The following ANKS6 variants were observed in gnomAD, a reference collection of about 807,000 sequenced individuals.
ANKS6 encodes ankyrin repeat and sterile alpha motif domain containing 6, also known as ankyrin repeat and SAM domain-containing protein 6.
A neutral mutation model predicts 77.9 loss-of-function variants in ANKS6; 47 were observed. The ratio of observed to expected loss-of-function variants is 0.60; its 90% confidence interval spans 0.48 to 0.77. The LOEUF (loss-of-function observed/expected upper bound fraction) is 0.77, where lower values mean the gene tolerates loss of function less well. Among genes scored for constraint, ANKS6 ranks in the 30% least tolerant of loss-of-function variants. The pLI, the probability that ANKS6 is intolerant of heterozygous loss-of-function variation, is 0.00. For synonymous variants in ANKS6, 488 were observed against 501.7 expected, an observed-to-expected ratio of 0.97 and a Z score of 0.37; for missense variants, 1,150 against 1,159.1, an observed-to-expected ratio of 0.99 and a Z score of 0.11.
intron 13 of ANKS6, among the ~76,000 whole-genome samples, chr9:98,747,973 C>T (rs1832229645): frequency 6.6e-6 from 1 of 152,212 alleles, no homozygotes; most frequent in Non-Finnish European, 1.5e-5. Context: ...AGTCCTGCTC[C>T]CTCTTCCCAG....
In ANKS6 at chr9:98,736,390, G is replaced by A; in HGVS notation, c.*129C>T. On this transcript the variant is annotated 3_prime_UTR_variant, in exon 15 of 15. Transcript: ENST00000353234. ...CCAATGAATGCCGTCGACGTGAAGT[G>A]GGCATCCCGAGCAAAGGGAACAACA... is the stretch of plus-strand genomic sequence containing the variant. 7.0e-7 allele frequency: 1 copy of A among 1,435,422 alleles called. No individual in the cohort carries two copies. Among genetic ancestry groups the A allele is most frequent in the Non-Finnish European group, 9.1e-7 (1 of 1,096,582 alleles). The allele number at this position is 1,435,422 out of a possible 1,614,324, so 88.9% of individuals were successfully genotyped here.
chr9:98,796,380 C>A lies in ANKS6; in HGVS notation c.112G>T (p.Glu38Ter). ...LLEPGAAEPA[E>*]RGAEPEAGAE... The stretch of plus-strand genomic sequence containing the variant: ...CCCGCCTCCGGCTCCGCGCCGCGCT[C>A]GGCTGGCTCCGCCGCCCCCGGCTCC... Residue 38 changes from glutamate to a stop codon, truncating the protein, a stop_gained, in exon 1 of 15, where the codon GAG (glutamate) becomes TAG (stop). Transcript: ENST00000353234. LOFTEE classifies it high-confidence loss of function. The A allele has an allele frequency of 3.0e-6, 3 of 1,012,678 alleles. No individual in the cohort carries two copies. Among genetic ancestry groups the A allele is most frequent in the Non-Finnish European group, 2.4e-6 (2 of 849,900 alleles). The allele number at this position is 1,012,678 out of a possible 1,614,324, so 62.7% of individuals were successfully genotyped here. A position where few individuals can be genotyped will look rare whatever the true frequency, so the allele number is the denominator to read the frequency against.
intron 1 of ANKS6, among the ~76,000 whole-genome samples, chr9:98,792,585 T>C (rs1214094114): frequency 6.6e-6 from 1 of 152,146 alleles, no homozygotes; most frequent in African/African-American, 2.4e-5. Context: ...TCCACTGTAG[T>C]ACATTTCTAA....
At chr9:98,768,302 A>G (rs943989773) in intron 10 of ANKS6, 52 bp from the exon 11 acceptor site, 1 of 1,594,306 alleles carries the variant, frequency 6.3e-7, no homozygotes, top group Non-Finnish European at 8.6e-7. Context: ...GCTTACTCCA[A>G]CACAAGGGTG....
Position 98,734,943 on chromosome 9 carries a change from C to T in ANKS6, c.*1576G>A. 1 of 985,428 alleles carries T rather than the reference C, an allele frequency of 1.0e-6. No homozygotes were observed. Among genetic ancestry groups the T allele is most frequent in the Non-Finnish European group, 1.2e-6 (1 of 829,942 alleles). 61.0% of individuals were successfully genotyped at this position (985,428 alleles called of 1,614,324 possible). A position where few individuals can be genotyped will look rare whatever the true frequency, so the allele number is the denominator to read the frequency against. On this transcript the variant is annotated 3_prime_UTR_variant, in exon 15 of 15. Transcript: ENST00000353234. ...ATTTAAAGGAAAAACACCCAACCAT[C>T]AGGGCAGGGGAAGAAAACTACGAGG...
At chr9:98,774,216 C>T in intron 8 of ANKS6, 136 bp from the exon 9 acceptor site, 1 of 693,922 alleles carries the variant, frequency 1.4e-6, no homozygotes. Flanking sequence ...AGCTATGTGG[C>T]ATCTACAGCT....
intron 11 of ANKS6, among the ~76,000 whole-genome samples, chr9:98,761,532 C>G (rs1588361323): frequency 6.6e-6 from 1 of 152,270 alleles, no homozygotes; most frequent in East Asian, 1.9e-4. Flanking sequence ...TTTTACCAGG[C>G]AAAAGATTTG....
Position 98,734,563 on chromosome 9 carries a change from A to T in ANKS6, c.*1956T>A, listed in dbSNP as rs1418846576. ...AAGAATCACAAGTGCTTCTAGCTCC[A>T]GGAGTCTATAGGAGTTAGTGGAAAA... is the stretch of plus-strand genomic sequence containing the variant. On this transcript the variant is annotated 3_prime_UTR_variant, in exon 15 of 15. Coordinates refer to ENST00000353234, the MANE Select transcript of ANKS6 (RefSeq NM_173551.5). 2 of 985,364 alleles carry T rather than the reference A, an allele frequency of 2.0e-6. No individual in the cohort carries two copies. The highest frequency in any genetic ancestry group is 2.3e-4 in the East Asian group (2 of 8,820). The allele number at this position is 985,364 out of a possible 1,614,324, so 61.0% of individuals were successfully genotyped here. A position where few individuals can be genotyped will look rare whatever the true frequency, so the allele number is the denominator to read the frequency against.
chr9:98,788,389 C>T (rs1005960915), intron 2 of ANKS6, among the ~76,000 whole-genome samples: 1 of 152,022 alleles, frequency 6.6e-6, no homozygotes, highest in Non-Finnish European at 1.5e-5. Context: ...AGGGTCCCTG[C>T]GAGGGTGAGG....
In ANKS6 at chr9:98,733,378, G is replaced by A. The variant is rs1398295486; in HGVS notation, c.*3141C>T. On this transcript the variant is annotated 3_prime_UTR_variant, in exon 15 of 15. Coordinates refer to ENST00000353234, the MANE Select transcript of ANKS6 (RefSeq NM_173551.5). The stretch of plus-strand genomic sequence containing the variant: ...GCTGGGAAACAATGCCCTCCACCCT[G>A]CAGGAGAGCTCAGGGTGGAGCCTCA... 1.0e-6 allele frequency: 1 copy of A among 985,458 alleles called. No homozygotes were observed. Among genetic ancestry groups the A allele is most frequent in the East Asian group, 1.1e-4 (1 of 8,802 alleles). 61.0% of individuals were successfully genotyped at this position (985,458 alleles called of 1,614,324 possible).
chr9:98,747,546 G>A (rs1265318466), intron 13 of ANKS6, among the ~76,000 whole-genome samples: 1 of 152,054 alleles, frequency 6.6e-6, no homozygotes. Flanking sequence ...GGAGTGCTGA[G>A]GGGCTGAATG....
At chr9:98,738,640 G>A (rs1345951846) in intron 14 of ANKS6, among the ~76,000 whole-genome samples, 1 of 151,468 alleles carries the variant, frequency 6.6e-6, no homozygotes, top group African/African-American at 2.4e-5. Flanking sequence ...TTTCTACATT[G>A]CTGGTGGGAA....
intron 9 of ANKS6, among the ~76,000 whole-genome samples, chr9:98,773,558 C>A (rs984509910): frequency 6.6e-6 from 1 of 152,138 alleles, no homozygotes; most frequent in African/African-American, 2.4e-5. Context: ...AGCTATTACT[C>A]CCACTCCCTG....
At chr9:98,787,790 TAC>T (rs1834656105) in intron 2 of ANKS6, among the ~76,000 whole-genome samples, 1 of 152,180 alleles carries the variant, frequency 6.6e-6, no homozygotes, top group African/African-American at 2.4e-5. Flanking sequence ...ACCACCCAGG[TAC>T]AGAGTGGGAG....
intron 8 of ANKS6, 94 bp downstream of exon 8, chr9:98,777,311 C>T: frequency 2.2e-6 from 3 of 1,393,218 alleles, no homozygotes; most frequent in South Asian, 1.2e-5. Context: ...GTGACCACTA[C>T]AAAGACAGAC....
At chr9:98,770,273 C>T (rs1485005788) in intron 10 of ANKS6, among the ~76,000 whole-genome samples, 1 of 152,164 alleles carries the variant, frequency 6.6e-6, no homozygotes, top group East Asian at 1.9e-4. Context: ...TGTGAGGCCT[C>T]CTCAGCCTGT....
chr9:98,782,652 T>C, intron 4 of ANKS6, 79 bp from the exon 5 acceptor site: 1 of 1,121,962 alleles, frequency 8.9e-7, no homozygotes, highest in Non-Finnish European at 1.4e-6. Flanking sequence ...CAACATTAAC[T>C]ACAAAGCTCA....
intron 1 of ANKS6, among the ~76,000 whole-genome samples, chr9:98,792,487 G>A (rs894639029): frequency 2.0e-5 from 3 of 152,156 alleles, no homozygotes; most frequent in Admixed American, 6.5e-5. Context: ...GGTCAAACAA[G>A]CCAAGTAAAT....
At position 98,796,518 on chromosome 9, in the gene ANKS6, C is replaced by G. The variant is rs1835188266; in HGVS notation, c.-27G>C. Reference sequence around the variant, plus strand: ...GCCGCCGCCACGCGCGGCCCGCTCCCGTCCGCCCCGCCGGCCGCGTCGGCT... The same window carrying G: ...GCCGCCGCCACGCGCGGCCCGCTCCGGTCCGCCCCGCCGGCCGCGTCGGCT... On this transcript the variant is annotated 5_prime_UTR_variant, in exon 1 of 15. Coordinates refer to ENST00000353234, the MANE Select transcript of ANKS6 (RefSeq NM_173551.5). The G allele has an allele frequency of 1.0e-6, 1 of 983,720 alleles. No individual in the cohort carries two copies. The highest frequency in any genetic ancestry group is 1.2e-6 in the Non-Finnish European group (1 of 829,506). 60.9% of individuals were successfully genotyped at this position (983,720 alleles called of 1,614,324 possible).
Sources: allele counts gnomAD v4.1 joint callset (sites outside exome capture counted in the v4.1 genomes callset), GRCh38; gene constraint gnomAD v4.1.1; transcripts MANE v1.5; gene names NCBI Gene and HGNC (gene_info 2026-07-23, HGNC 2026-07-21).